The following DDRGK1 variants were observed in gnomAD, a reference collection of about 807,000 sequenced individuals.
DDRGK1 encodes the protein DDRGK domain containing 1, also known as DDRGK domain-containing protein 1.
Under a neutral mutation model 45.8 loss-of-function variants are expected in DDRGK1, and 38 were observed. The observed-to-expected ratio is 0.83, with a 90% CI of 0.64 to 1.09. The LOEUF (loss-of-function observed/expected upper bound fraction) is 1.09, where lower values mean the gene tolerates loss of function less well. Among genes scored for constraint, DDRGK1 ranks in the 50% least tolerant of loss-of-function variants. The pLI is 0.00. For synonymous variants in DDRGK1, 171 were observed against 168.7 expected, an observed-to-expected ratio of 1.01 and a Z score of -0.11; for missense variants, 403 against 419.9, an observed-to-expected ratio of 0.96 and a Z score of 0.35.
intron 8 of DDRGK1, 120 bp from the exon 9 acceptor site, chr20:3,190,939 ACTTTCCTGGCTGC>A: frequency 7.0e-7 from 1 of 1,424,696 alleles, no homozygotes; most frequent in South Asian, 1.4e-5. Context: ...GCCTGCCTGG[ACTTTCCTGGCTGC>A]ATCCAGTCCT....
intron 2 of DDRGK1, among the ~76,000 whole-genome samples, 177 bp downstream of exon 2, chr20:3,203,036 G>T (rs1351536873): frequency 6.6e-6 from 1 of 151,988 alleles, no homozygotes; most frequent in African/African-American, 2.4e-5. Context: ...AAGGTAGGGG[G>T]GGTTGACCCA....
At chr20:3,198,443 G>A (rs1345055242) in intron 4 of DDRGK1, among the ~76,000 whole-genome samples, 18 of 148,630 alleles carry the variant, frequency 1.2e-4, no homozygotes, top group African/African-American at 3.2e-4. Context: ...GCTCACGCCT[G>A]TAATCCCAGC....
rs1369642896 is a variant in DDRGK1, at chr20:3,190,947, G to A, written c.779-128C>T. ...GCCTCCTGCCTGCCTGGACTTTCCT[G>A]GCTGCATCCAGTCCTGCTAGGAGAG... On this transcript the variant is annotated intron_variant, in intron 8 of 8. Transcript: ENST00000354488. 4 of 1,388,374 alleles carry A rather than the reference G, an allele frequency of 2.9e-6. No individual in the cohort carries two copies. In the Admixed American group the frequency reaches 6.9e-5, roughly 24 times the overall value. The allele number at this position is 1,388,374 out of a possible 1,614,324, so 86.0% of individuals were successfully genotyped here.
At chr20:3,200,778 C>A (rs1469930892) in intron 2 of DDRGK1, among the ~76,000 whole-genome samples, 1 of 151,392 alleles carries the variant, frequency 6.6e-6, no homozygotes, top group African/African-American at 2.4e-5. Context: ...GAGATTGAGA[C>A]CATCCTGGCA....
chr20:3,193,164 G>T (rs2066996414), intron 6 of DDRGK1, among the ~76,000 whole-genome samples: 1 of 152,212 alleles, frequency 6.6e-6, no homozygotes, highest in South Asian at 2.1e-4. Flanking sequence ...TGGTCAGACA[G>T]GAGAATGGAA....
At chr20:3,190,907 C>T (rs1483845345) in intron 8 of DDRGK1, 88 bp from the exon 9 acceptor site, 14 of 1,497,736 alleles carry the variant, frequency 9.3e-6, no homozygotes, top group Non-Finnish European at 1.1e-5. Flanking sequence ...TCACAGCTGG[C>T]TCAGGGCCCT....
intron 2 of DDRGK1, 31 bp downstream of exon 2, chr20:3,203,182 C>T: frequency 6.6e-7 from 1 of 1,513,026 alleles, no homozygotes. Context: ...CCAACCCAAA[C>T]CCTCTCCCCA....
At position 3,204,660 on chromosome 20, in the gene DDRGK1, A is replaced by C; in HGVS notation, c.-33T>G. ...GCCTCAGTGCAGAACCACTGCGTCC[A>C]CCCTGAGGCCGGGATCTCATAGGCC... On this transcript the variant is annotated 5_prime_UTR_variant, in exon 1 of 9. Transcript: ENST00000354488. 6.5e-7 allele frequency: 1 copy of C among 1,549,104 alleles called. No homozygotes were observed. The highest frequency in any genetic ancestry group is 8.7e-7 in the Non-Finnish European group (1 of 1,151,016).
Position 3,190,444 on chromosome 20 carries a change from T to C in DDRGK1, c.*209A>G. On this transcript the variant is annotated 3_prime_UTR_variant, in exon 9 of 9. Coordinates refer to ENST00000354488, the MANE Select transcript of DDRGK1 (RefSeq NM_023935.3). The stretch of plus-strand genomic sequence containing the variant: ...AGGGACCCTCCCCACCTCTCGGATA[T>C]ATTCTGAAGCCTAAATTTCACCTGC... 1 of 603,968 alleles carries C rather than the reference T, an allele frequency of 1.7e-6. No homozygotes were observed. The highest frequency in any genetic ancestry group is 2.9e-6 in the Non-Finnish European group (1 of 350,530). 37.4% of individuals were successfully genotyped at this position (603,968 alleles called of 1,614,324 possible).
chr20:3,201,782 C>A (rs1235411690), intron 2 of DDRGK1, among the ~76,000 whole-genome samples: 1 of 150,596 alleles, frequency 6.6e-6, no homozygotes, highest in African/African-American at 2.4e-5. Flanking sequence ...CTCAGCCTTC[C>A]GAGTAGCTGG....
chr20:3,202,772 TG>T (rs1327999289), intron 2 of DDRGK1, among the ~76,000 whole-genome samples: 1 of 152,170 alleles, frequency 6.6e-6, no homozygotes, highest in East Asian at 1.9e-4. Context: ...CCTGGTCTCC[TG>T]GAAGCAGGGA....
intron 4 of DDRGK1, 94 bp from the exon 5 acceptor site, chr20:3,195,447 A>G: frequency 1.4e-6 from 2 of 1,476,912 alleles, no homozygotes; most frequent in Non-Finnish European, 1.8e-6. Flanking sequence ...ACCAGAGCAT[A>G]TAGCCCAGCC....
intron 7 of DDRGK1, 166 bp downstream of exon 7, chr20:3,191,598 TA>T: frequency 1.1e-6 from 1 of 871,874 alleles, no homozygotes; most frequent in Non-Finnish European, 1.9e-6. Context: ...GTTCGTCCAT[TA>T]AAAATGCAGG....
intron 1 of DDRGK1, 115 bp downstream of exon 1, chr20:3,204,422 A>C: frequency 9.3e-7 from 1 of 1,072,142 alleles, no homozygotes; most frequent in South Asian, 1.5e-5. Context: ...ACGGACGCGC[A>C]TGCGTCCCGC....
intron 4 of DDRGK1, among the ~76,000 whole-genome samples, chr20:3,198,100 T>TTA (rs753172061): frequency 9.6e-4 from 51 of 53,068 alleles, no homozygotes; most frequent in African/African-American, 3.6e-3. Flanking sequence ...CCATCTCTCT[T>TTA]AAAAAAAAAA....
intron 2 of DDRGK1, 85 bp from the exon 3 acceptor site, chr20:3,200,539 A>G: frequency 2.0e-5 from 25 of 1,220,226 alleles, no homozygotes; most frequent in Middle Eastern, 1.9e-4. Context: ...TCCCTCCCCT[A>G]ACAGGGGGAT....
In DDRGK1 at chr20:3,193,167, G is replaced by A. The variant is rs536581656; in HGVS notation, c.673-1346C>T. 5.3e-5 allele frequency among the ~76,000 whole-genome samples: 8 copies of A among 152,336 alleles called. No individual in the cohort carries two copies. The East Asian group carries it at 1.4e-3, about 26-fold the overall frequency. ...TGAGCCCAGCCATGGTCAGACAGGAGAATGGAACAAGATCGAGTGAACCCT... is the reference window on the plus strand; with the variant it reads ...TGAGCCCAGCCATGGTCAGACAGGAAAATGGAACAAGATCGAGTGAACCCT... On this transcript the variant is annotated intron_variant, in intron 6 of 8. Coordinates refer to ENST00000354488, the MANE Select transcript of DDRGK1 (RefSeq NM_023935.3).
At chr20:3,194,780 A>C (rs758814277) in intron 6 of DDRGK1, 50 bp downstream of exon 6, 2 of 1,612,082 alleles carry the variant, frequency 1.2e-6, no homozygotes, top group Non-Finnish European at 1.7e-6. Context: ...TCCAACCTGC[A>C]CATGCCAGGC....
chr20:3,204,631 G>A lies in DDRGK1; in HGVS notation c.-4C>T, dbSNP rs1369788534. On this transcript the variant is annotated 5_prime_UTR_variant, in exon 1 of 9. Transcript: ENST00000354488. ...AGTACCACACAGGCGCCACCATGAC[G>A]AGGGCCTCAGTGCAGAACCACTGCG... 14 of 1,577,942 alleles carry A rather than the reference G, an allele frequency of 8.9e-6. No homozygotes were observed. The East Asian group carries it at 2.5e-4, about 28-fold the overall frequency.
Sources: gnomAD v4.1 joint callset for allele counts (sites outside exome capture counted in the v4.1 genomes callset) on GRCh38, gnomAD v4.1.1 for gene constraint, MANE v1.5 for transcripts, NCBI Gene and HGNC (gene_info 2026-07-23, HGNC 2026-07-21) for gene names.